Variants in RPL14 observed in about 807,000 individuals in gnomAD.
RPL14 encodes ribosomal protein L14.
In RPL14, 4 loss-of-function variants were observed where a neutral mutation model predicts 25.3. That is an observed-to-expected ratio of 0.16 (90% CI 0.08 to 0.36). The LOEUF is 0.36. Ranked by LOEUF, RPL14 falls within the 10% of genes least tolerant of loss-of-function variation. RPL14 has a pLI of 1.00. For synonymous variants in RPL14, 75 were observed against 89.8 expected, an observed-to-expected ratio of 0.84 and a Z score of 0.93; for missense variants, 212 against 261.9, an observed-to-expected ratio of 0.81 and a Z score of 1.31.
At chr3:40,458,896 C>T (rs1302092662) in intron 3 of RPL14, 160 bp downstream of exon 3, 3 of 640,286 alleles carry the variant, frequency 4.7e-6, no homozygotes, top group Admixed American at 2.4e-5. Context: ...AATGTCTTGC[C>T]TGCGCGTGAT....
In RPL14 at chr3:40,468,009, C is replaced by T. The variant is rs1055769187; in HGVS notation, c.*5777C>T. 6.6e-6 allele frequency: 1 copy of T among 152,144 alleles called. No homozygotes were observed. The highest frequency in any genetic ancestry group is 2.4e-5 in the African/African-American group (1 of 41,408). The allele number at this position is 152,144 out of a possible 1,614,324, so 9.4% of individuals were successfully genotyped here. On this transcript the variant is annotated 3_prime_UTR_variant, in exon 6 of 6. Coordinates refer to ENST00000396203, the MANE Select transcript of RPL14 (RefSeq NM_001034996.3). ...CTAATGTTTGTATTGTTAGTAGATA[C>T]AGGGTTTCACCCTGTTAGCCAGGAT... is the stretch of plus-strand genomic sequence containing the variant.
At chr3:40,461,785 A>T in intron 5 of RPL14, 124 bp downstream of exon 5, 3 of 1,296,788 alleles carry the variant, frequency 2.3e-6, no homozygotes, top group South Asian at 3.0e-5. Flanking sequence ...ATTTATCTTC[A>T]TTTGTATTTC....
In RPL14 at chr3:40,462,745, T is replaced by G. The variant is rs1369688348; in HGVS notation, c.*513T>G. The G allele has an allele frequency of 6.5e-6, 1 of 152,928 alleles. No individual in the cohort carries two copies. Among genetic ancestry groups the G allele is most frequent in the East Asian group, 1.9e-4 (1 of 5,204 alleles). 9.5% of individuals were successfully genotyped at this position (152,928 alleles called of 1,614,324 possible). On this transcript the variant is annotated 3_prime_UTR_variant, in exon 6 of 6. Transcript: ENST00000396203. Reference sequence around the variant, plus strand: ...AGGTAGTGCAAAATCATTGCAGTCATAATTGATCATGTCATGAGAAATCAT... The same window carrying G: ...AGGTAGTGCAAAATCATTGCAGTCAGAATTGATCATGTCATGAGAAATCAT...
In RPL14 at chr3:40,462,096, A is replaced by T; in HGVS notation, c.512A>T (p.Lys171Ile). The part of the protein sequence containing the change: ...VPAKKITAAS[K>I]KAPAQKVPAQ... Reference sequence around the variant, plus strand: ...GCAAAAAAGATCACCGCCGCGAGTAAAAAGGCTCCAGCCCAGAAGGTTCCT... The same window carrying T: ...GCAAAAAAGATCACCGCCGCGAGTATAAAGGCTCCAGCCCAGAAGGTTCCT... The change falls in exon 6 of 6, where the codon AAA becomes ATA. Residue 171 changes from lysine (K) to isoleucine (I), a missense_variant. This residue lies in a region of RPL14 where 66 missense variants were observed against 62.6 expected (regional missense o/e 1.05). Coordinates refer to ENST00000396203, the MANE Select transcript of RPL14 (RefSeq NM_001034996.3). 1 of 1,610,468 alleles carries T rather than the reference A, an allele frequency of 6.2e-7. No individual in the cohort carries two copies. Among genetic ancestry groups the T allele is most frequent in the Non-Finnish European group, 8.5e-7 (1 of 1,178,118 alleles).
Position 40,467,489 on chromosome 3 carries a change from C to G in RPL14, c.*5257C>G, listed in dbSNP as rs1016063221. On this transcript the variant is annotated 3_prime_UTR_variant, in exon 6 of 6. Coordinates refer to ENST00000396203, the MANE Select transcript of RPL14 (RefSeq NM_001034996.3). ...CCCAGATTAAAAAAGCAAATTCACG[C>G]TTCCTCCCCCATTTTGTTCTATTTG... The G allele has an allele frequency of 3.6e-4, 55 of 152,572 alleles. No individual in the cohort carries two copies. The highest frequency in any genetic ancestry group is 1.3e-3 in the African/African-American group (53 of 41,570). The allele number at this position is 152,572 out of a possible 1,614,324, so 9.5% of individuals were successfully genotyped here.
rs757780934 is a variant in RPL14 at position 40,459,858 on chromosome 3, C to CGAAA, written c.200+1122_200+1123insGAAA. Among the ~76,000 whole-genome samples, 580 of 90,946 alleles carry CGAAA rather than the reference C, an allele frequency of 6.4e-3. 7 individuals carry two copies. Among genetic ancestry groups the CGAAA allele is most frequent in the African/African-American group, 0.026 (562 of 21,248 alleles). The allele number at this position is 90,946 out of a possible 152,430, so 59.7% of individuals were successfully genotyped here. A position where few individuals can be genotyped will look rare whatever the true frequency, so the allele number is the denominator to read the frequency against. ...TGGGTGACAGAGCGAGACTCCGTTT[C>CGAAA]AAAAAAAAAAAAAAAAAAAAAACTT... On this transcript the variant is annotated intron_variant, in intron 3 of 5. Transcript: ENST00000396203.
chr3:40,457,511 G>A, intron 1 of RPL14, 37 bp downstream of exon 1: 1 of 1,472,878 alleles, frequency 6.8e-7, no homozygotes, highest in Admixed American at 2.0e-5. Flanking sequence ...GCGGAATCGG[G>A]CCCTTCCCGG....
Position 40,462,373 on chromosome 3 carries a change from C to CAT in RPL14, c.*141_*142insAT. ...ATAATAAACATTAAATAATCAGTTCCTTTTTTTTTTTTTTTTTTTTTGAGA... is the reference window on the plus strand; with the variant it reads ...ATAATAAACATTAAATAATCAGTTCCATTTTTTTTTTTTTTTTTTTTTTGAGA... On this transcript the variant is annotated 3_prime_UTR_variant, in exon 6 of 6. Coordinates refer to ENST00000396203, the MANE Select transcript of RPL14 (RefSeq NM_001034996.3). 6.7e-5 allele frequency: 22 copies of CAT among 329,060 alleles called. No individual in the cohort carries two copies. Among genetic ancestry groups the CAT allele is most frequent in the South Asian group, 3.7e-5 (1 of 26,778 alleles). The allele number at this position is 329,060 out of a possible 1,614,324, so 20.4% of individuals were successfully genotyped here.
Position 40,457,454 on chromosome 3 carries a change from G to T in RPL14, c.-18G>T, listed in dbSNP as rs1317378317. On this transcript the variant is annotated 5_prime_UTR_variant, in exon 1 of 6. Coordinates refer to ENST00000396203, the MANE Select transcript of RPL14 (RefSeq NM_001034996.3). ...AAGCTGAGGCGCCAAACGGCTCCCA[G>T]AGGGTCCCGGGAAGCGCATGGTGAG... The T allele has an allele frequency of 1.3e-6, 2 of 1,575,160 alleles. No homozygotes were observed. The highest frequency in any genetic ancestry group is 1.8e-5 in the Admixed American group (1 of 54,606).
chr3:40,461,318 A>G, intron 3 of RPL14, 89 bp from the exon 4 acceptor site: 1 of 1,038,078 alleles, frequency 9.6e-7, no homozygotes, highest in Non-Finnish European at 1.5e-6. Flanking sequence ...TGTAACAGGA[A>G]GAGTGCTTTT....
At chr3:40,457,658 C>T in intron 1 of RPL14, 184 bp downstream of exon 1, 2 of 665,576 alleles carry the variant, frequency 3.0e-6, no homozygotes, top group South Asian at 1.9e-5. Context: ...GAGCCTTGTC[C>T]TGCCGTGTGG....
chr3:40,461,622 A>G lies in RPL14; in HGVS notation c.315A>G (p.Thr105=). The part of the protein sequence containing the change: ...IEARERKAKM[T]DFDRFKVMKA... ...TTTTTTAACAGAAAGCCAAGATGAC[A>G]GATTTTGATCGTTTTAAAGTTATGA... The change falls in exon 5 of 6, where the codon ACA becomes ACG. Residue 105 remains threonine (T), a synonymous_variant. Coordinates refer to ENST00000396203, the MANE Select transcript of RPL14 (RefSeq NM_001034996.3). 2 of 1,607,622 alleles carry G rather than the reference A, an allele frequency of 1.2e-6. No homozygotes were observed. Among genetic ancestry groups the G allele is most frequent in the South Asian group, 1.1e-5 (1 of 89,108 alleles).
rs1696951098 is a variant in RPL14 at position 40,462,171 on chromosome 3, A to T, written c.587A>T (p.Lys196Met). 5.0e-6 allele frequency: 8 copies of T among 1,611,880 alleles called. No individual in the cohort carries two copies. The African/African-American group carries it at 8.0e-5, about 16-fold the overall frequency. ...QKAAPAPKAQ[K>M]GQKAPAQKAP... Reference sequence around the variant, plus strand: ...GCAGCGCCTGCTCCAAAAGCTCAGAAGGGTCAAAAAGCTCCAGCCCAGAAA... The same window carrying T: ...GCAGCGCCTGCTCCAAAAGCTCAGATGGGTCAAAAAGCTCCAGCCCAGAAA... Residue 196 changes from lysine (K) to methionine (M), a missense_variant, in exon 6 of 6, where the codon AAG becomes ATG. Around this residue, in one of 3 missense-constraint regions of RPL14, gnomAD observed 66 missense variants for 62.6 expected, o/e 1.05. Transcript: ENST00000396203.
At chr3:40,460,178 AT>A (rs1476105360) in intron 3 of RPL14, among the ~76,000 whole-genome samples, 1 of 151,652 alleles carries the variant, frequency 6.6e-6, no homozygotes, top group Admixed American at 6.6e-5. Flanking sequence ...GTTACTGTAA[AT>A]TTTTTTTTAA....
In RPL14 at chr3:40,466,882, C is replaced by T. The variant is rs1697035292; in HGVS notation, c.*4650C>T. On this transcript the variant is annotated 3_prime_UTR_variant, in exon 6 of 6. Coordinates refer to ENST00000396203, the MANE Select transcript of RPL14 (RefSeq NM_001034996.3). ...ATGTCCTCTAATTCATATTTTCCCC[C>T]CTCATCTGTTGGGTGAAATACTGTT... The T allele has an allele frequency of 6.6e-6, 1 of 152,138 alleles. No individual in the cohort carries two copies. Among genetic ancestry groups the T allele is most frequent in the African/African-American group, 2.4e-5 (1 of 41,424 alleles). 9.4% of individuals were successfully genotyped at this position (152,138 alleles called of 1,614,324 possible).
At chr3:40,457,638 C>A in intron 1 of RPL14, 164 bp downstream of exon 1, 2 of 683,106 alleles carry the variant, frequency 2.9e-6, no homozygotes, top group Non-Finnish European at 2.5e-6. Context: ...TGATGCGGCT[C>A]GTGGTCCGAG....
At chr3:40,459,858 CAAAAAA>C (rs10682822) in intron 3 of RPL14, among the ~76,000 whole-genome samples, 11 of 90,956 alleles carry the variant, frequency 1.2e-4, no homozygotes, top group South Asian at 4.5e-4. Flanking sequence ...GACTCCGTTT[CAAAAAA>C]AAAAAAAAAA....
Position 40,461,658 on chromosome 3 carries a change from A to T in RPL14, c.351A>T (p.Lys117Asn). ...GTTTTAAAGTTATGAAGGCAAAGAA[A>T]ATGGTAAGATTTAAGATCTGTATTT... The part of the protein sequence containing the change: ...FDRFKVMKAK[K>N]MRNRIIKNEV... The change falls in exon 5 of 6, where the codon AAA becomes AAT. Residue 117 changes from lysine to asparagine, a missense_variant. Coordinates refer to ENST00000396203, the MANE Select transcript of RPL14 (RefSeq NM_001034996.3). 6.2e-7 allele frequency: 1 copy of T among 1,601,774 alleles called. No individual in the cohort carries two copies. The highest frequency in any genetic ancestry group is 8.5e-7 in the Non-Finnish European group (1 of 1,175,784).
chr3:40,466,151 A>G lies in RPL14; in HGVS notation c.*3919A>G, dbSNP rs1697025526. On this transcript the variant is annotated 3_prime_UTR_variant, in exon 6 of 6. Coordinates refer to ENST00000396203, the MANE Select transcript of RPL14 (RefSeq NM_001034996.3). ...GGTTGCAGTGAGCTGACATTACGCC[A>G]TAGCACTCCAGCTTGGGCGACAGAG... The G allele has an allele frequency of 6.6e-6, 1 of 152,188 alleles. No homozygotes were observed. The highest frequency in any genetic ancestry group is 1.5e-5 in the Non-Finnish European group (1 of 68,098). 9.4% of individuals were successfully genotyped at this position (152,188 alleles called of 1,614,324 possible).
Sources: gnomAD v4.1 joint callset for allele counts (sites outside exome capture counted in the v4.1 genomes callset) on GRCh38, gnomAD v4.1.1 for gene constraint, gnomAD v4.1.1 regional missense constraint, MANE v1.5 for transcripts, NCBI Gene and HGNC (gene_info 2026-07-23, HGNC 2026-07-21) for gene names.